The following HIF3A variants were observed in gnomAD, a reference collection of about 807,000 sequenced individuals.
The protein encoded by HIF3A is hypoxia inducible factor 3 subunit alpha, also known as hypoxia-inducible factor 3-alpha.
HIF3A carries 41 observed loss-of-function variants against 67.2 expected under a neutral mutation model. The observed-to-expected ratio is 0.61, with a 90% CI of 0.48 to 0.79. The LOEUF (loss-of-function observed/expected upper bound fraction) is 0.79. HIF3A is among the 30% of genes least tolerant of loss of function. HIF3A has a pLI of 0.00. For missense variants in HIF3A, 855 were observed against 898.0 expected (o/e 0.95, Z 0.61); for synonymous variants, 356 against 374.8 (o/e 0.95, Z 0.58).
chr19:46,333,796 T>C (rs959647139), intron 13 of HIF3A, among the ~76,000 whole-genome samples: 4 of 134,118 alleles, frequency 3.0e-5, no homozygotes, highest in African/African-American at 1.1e-4. Context: ...TTCTTTTTTT[T>C]TTTTTTTTTT....
rs186322589 is a variant in HIF3A, at chr19:46,339,745, C to A, written c.*123C>A. The A allele has an allele frequency of 6.9e-3, 3,917 of 564,540 alleles. 26 individuals are homozygous for A. Among genetic ancestry groups the A allele is most frequent in the Non-Finnish European group, 9.3e-3 (3,081 of 332,476 alleles). The allele number at this position is 564,540 out of a possible 1,614,324, so 35.0% of individuals were successfully genotyped here. The stretch of plus-strand genomic sequence containing the variant: ...GGGGCCCCTCTCTCCTCTATGTACC[C>A]CCTGCCCACCTCGGGCCTACCTCAG... On this transcript the variant is annotated 3_prime_UTR_variant, in exon 15 of 15. Transcript: ENST00000377670.
intron 3 of HIF3A, chr19:46,306,646 A>G (rs1229537735): frequency 6.6e-6 from 1 of 152,156 alleles, no homozygotes; most frequent in African/African-American, 2.4e-5. Flanking sequence ...TCTTTTTTCT[A>G]TCTCACATAA....
chr19:46,334,836 A>G lies in HIF3A; in HGVS notation c.1831-69A>G, dbSNP rs1472387434. 4 of 1,327,986 alleles carry G rather than the reference A, an allele frequency of 3.0e-6. No homozygotes were observed. In the African/African-American group the frequency reaches 4.3e-5, roughly 14 times the overall value. 82.3% of individuals were successfully genotyped at this position (1,327,986 alleles called of 1,614,324 possible). On this transcript the variant is annotated intron_variant, in intron 13 of 14. Coordinates refer to ENST00000377670, the MANE Select transcript of HIF3A (RefSeq NM_152795.4). ...CCCCGAAAGTGCTGGGATTACAGTC[A>G]CCACTCCCGGCTGTTCCTTGGATAC...
At position 46,341,799 on chromosome 19, in the gene HIF3A, A is replaced by G. The variant is rs1971944808; in HGVS notation, c.*2177A>G. 1.3e-5 allele frequency: 2 copies of G among 151,360 alleles called. No individual in the cohort carries two copies. Among genetic ancestry groups the G allele is most frequent in the Non-Finnish European group, 2.9e-5 (2 of 67,874 alleles). 9.4% of individuals were successfully genotyped at this position (151,360 alleles called of 1,614,324 possible). A position where few individuals can be genotyped will look rare whatever the true frequency, so the allele number is the denominator to read the frequency against. On this transcript the variant is annotated 3_prime_UTR_variant, in exon 15 of 15. Coordinates refer to ENST00000377670, the MANE Select transcript of HIF3A (RefSeq NM_152795.4). ...TGGGATTACAGGAGCCCACCACCAC[A>G]TCCGGCTACCTTTGTGTATTTTTTA...
intron 6 of HIF3A, among the ~76,000 whole-genome samples, chr19:46,310,251 T>C (rs1969313531): frequency 6.6e-6 from 1 of 151,662 alleles, no homozygotes; most frequent in Non-Finnish European, 1.5e-5. Flanking sequence ...AAAAAATTTG[T>C]CAGGCGGGTG....
rs1247023611 is a variant in HIF3A at position 46,321,646 on chromosome 19, C to T, written c.1145-130C>T. On this transcript the variant is annotated intron_variant, in intron 9 of 14. Coordinates refer to ENST00000377670, the MANE Select transcript of HIF3A (RefSeq NM_152795.4). ...GTCCTCCAGGCCCCTTCCTTACCCT[C>T]TCACTAAGAACAGTGGCCATCCTGA... is the stretch of plus-strand genomic sequence containing the variant. 5 of 795,556 alleles carry T rather than the reference C, an allele frequency of 6.3e-6. No homozygotes were observed. The African/African-American group carries it at 8.6e-5, about 14-fold the overall frequency. 49.3% of individuals were successfully genotyped at this position (795,556 alleles called of 1,614,324 possible).
chr19:46,303,487 G>C (rs1484169383), intron 1 of HIF3A: 1 of 719,238 alleles, frequency 1.4e-6, no homozygotes, highest in Non-Finnish European at 2.3e-6. Context: ...GAGGCTGTAG[G>C]CCTCTCCTTC....
chr19:46,311,888 A>G (rs1444506960), intron 6 of HIF3A, among the ~76,000 whole-genome samples: 1 of 152,010 alleles, frequency 6.6e-6, no homozygotes, highest in African/African-American at 2.4e-5. Flanking sequence ...ACAAACAAAA[A>G]ACTTCTAATG....
At chr19:46,298,186 T>C in intron 1 of HIF3A, 4 of 310,768 alleles carry the variant, frequency 1.3e-5, no homozygotes, top group South Asian at 9.3e-5. Context: ...ATTGGATCCA[T>C]GCACACCCCA....
intron 6 of HIF3A, among the ~76,000 whole-genome samples, chr19:46,310,845 G>A (rs1969367034): frequency 6.6e-6 from 1 of 152,130 alleles, no homozygotes; most frequent in African/African-American, 2.4e-5. Flanking sequence ...CCACCTCCCG[G>A]GTTCAAGTGA....
chr19:46,329,979 TAG>T (rs796809090), intron 12 of HIF3A, among the ~76,000 whole-genome samples: 820 of 53,118 alleles, frequency 0.015, 3 homozygotes, highest in Non-Finnish European at 0.025. Flanking sequence ...AAAAAAAAGA[TAG>T]AGAGAGAGAG....
At chr19:46,334,085 G>A (rs376093020) in intron 13 of HIF3A, among the ~76,000 whole-genome samples, 2 of 148,562 alleles carry the variant, frequency 1.3e-5, no homozygotes, top group South Asian at 2.1e-4. Flanking sequence ...GAGCCACCGC[G>A]CCCGGCCTCT....
intron 6 of HIF3A, 177 bp from the exon 7 acceptor site, chr19:46,311,984 C>T (rs552090043): frequency 7.9e-6 from 6 of 764,272 alleles, no homozygotes; most frequent in South Asian, 2.7e-5. Flanking sequence ...CTTTGGGGGT[C>T]ATTATTCAAC....
intron 10 of HIF3A, among the ~76,000 whole-genome samples, chr19:46,324,718 G>T (rs370556921): frequency 1.3e-5 from 2 of 151,648 alleles, no homozygotes; most frequent in Non-Finnish European, 2.9e-5. Context: ...GCCAGGCGTG[G>T]TGGAGGGCGC....
chr19:46,304,543 T>C (rs947048147), intron 2 of HIF3A, among the ~76,000 whole-genome samples: 27 of 152,120 alleles, frequency 1.8e-4, no homozygotes, highest in African/African-American at 6.5e-4. Context: ...TAGTTCTACA[T>C]CACTTGTTCT....
chr19:46,321,029 CCTT>C (rs1359019968), intron 9 of HIF3A, among the ~76,000 whole-genome samples: 1 of 152,194 alleles, frequency 6.6e-6, no homozygotes, highest in Non-Finnish European at 1.5e-5. Context: ...CAAGACCTCA[CCTT>C]CTCCAAGCTG....
At chr19:46,324,907 TACAC>T in intron 10 of HIF3A, among the ~76,000 whole-genome samples, 1 of 145,628 alleles carries the variant, frequency 6.9e-6, no homozygotes, top group South Asian at 2.1e-4. Context: ...TATATATATA[TACAC>T]ACACACATAT....
intron 8 of HIF3A, chr19:46,312,881 AATTTTTTTT>A (rs745970856): frequency 5.3e-6 from 5 of 944,350 alleles, no homozygotes; most frequent in South Asian, 5.3e-5. Flanking sequence ...GTAGACTGTT[AATTTTTTTT>A]TTTTTTTTTT....
intron 12 of HIF3A, among the ~76,000 whole-genome samples, chr19:46,330,406 G>T (rs1294366751): frequency 6.6e-6 from 1 of 152,100 alleles, no homozygotes; most frequent in African/African-American, 2.4e-5. Flanking sequence ...GTAGACAGAA[G>T]GATTGATGGA....
Sources: allele counts gnomAD v4.1 joint callset (sites outside exome capture counted in the v4.1 genomes callset), GRCh38; gene constraint gnomAD v4.1.1; transcripts MANE v1.5; gene names NCBI Gene and HGNC (gene_info 2026-07-23, HGNC 2026-07-21).